The following ERCC6 variants were observed in gnomAD, a reference collection of about 807,000 sequenced individuals.
The protein encoded by ERCC6 is ERCC excision repair 6, chromatin remodeling factor.
Under a neutral mutation model 158.7 loss-of-function variants are expected in ERCC6, and 116 were observed. The observed-to-expected ratio is 0.73, with a 90% CI of 0.63 to 0.85. The LOEUF is 0.85. Ranked by LOEUF, ERCC6 falls within the 40% of genes least tolerant of loss-of-function variation. The probability of loss-of-function intolerance (pLI) is 0.00; values close to 1 mark genes in which losing one functional copy is unlikely to be tolerated. For synonymous variants in ERCC6, 678 were observed against 659.3 expected (o/e 1.03, Z -0.43); for missense variants, 1,698 against 1,799.4 (o/e 0.94, Z 1.02).
At chr10:49,502,368 T>C (rs1174001785) in intron 6 of ERCC6, 1 of 152,192 alleles carries the variant, frequency 6.6e-6, no homozygotes, top group African/African-American at 2.4e-5. Context: ...TGAAGTGTAG[T>C]ACAGATACAA....
At chr10:49,486,202 C>T (rs1056445561) in intron 8 of ERCC6, among the ~76,000 whole-genome samples, 1 of 152,160 alleles carries the variant, frequency 6.6e-6, no homozygotes, top group Non-Finnish European at 1.5e-5. Context: ...ACCCAGAGAG[C>T]TGACCACAGC....
At chr10:49,536,565 G>C (rs969494586) in intron 1 of ERCC6, among the ~76,000 whole-genome samples, 2 of 152,210 alleles carry the variant, frequency 1.3e-5, no homozygotes, top group African/African-American at 4.8e-5. Context: ...CAGTTCCTGA[G>C]TCAGGAGACA....
At chr10:49,533,054 C>A in intron 1 of ERCC6, 76 bp from the exon 2 acceptor site, 2 of 1,486,844 alleles carry the variant, frequency 1.3e-6, no homozygotes, top group Admixed American at 2.1e-5. Context: ...ATAATTAGAG[C>A]AGACTGATTT....
rs549793404 is a variant in ERCC6 at position 49,533,275 on chromosome 10, T to C, written c.-14-297A>G. Reference sequence around the variant, plus strand: ...ATCCTGGGGTGATGGCCATGGAATATTCTTCAAAACAGCTGAAGTCATTTG... The same window carrying C: ...ATCCTGGGGTGATGGCCATGGAATACTCTTCAAAACAGCTGAAGTCATTTG... On this transcript the variant is annotated intron_variant, in intron 1 of 20. Coordinates refer to ENST00000355832, the MANE Select transcript of ERCC6 (RefSeq NM_000124.4). Among the ~76,000 whole-genome samples the C allele has an allele frequency of 2.0e-5, 3 of 152,334 alleles. No homozygotes were observed. The East Asian group carries it at 5.8e-4, about 29-fold the overall frequency.
intron 10 of ERCC6, among the ~76,000 whole-genome samples, chr10:49,479,617 T>C (rs1166651011): frequency 2.0e-5 from 3 of 152,200 alleles, no homozygotes; most frequent in African/African-American, 7.2e-5. Flanking sequence ...AATTTCAGAA[T>C]TTAAAAACAT....
intron 18 of ERCC6, among the ~76,000 whole-genome samples, chr10:49,465,087 A>G (rs772306982): frequency 3.3e-5 from 5 of 152,196 alleles, no homozygotes; most frequent in African/African-American, 4.8e-5. Context: ...AATGCCACCC[A>G]TGAAAGCAGC....
At chr10:49,464,532 T>C (rs1192852808) in intron 18 of ERCC6, among the ~76,000 whole-genome samples, 2 of 152,088 alleles carry the variant, frequency 1.3e-5, no homozygotes, top group African/African-American at 4.8e-5. Flanking sequence ...CCCAAGACAA[T>C]GAGGAAAATG....
intron 5 of ERCC6, among the ~76,000 whole-genome samples, chr10:49,523,704 T>G (rs1363272452): frequency 6.6e-6 from 1 of 152,140 alleles, no homozygotes; most frequent in African/African-American, 2.4e-5. Flanking sequence ...TTCCTGATAC[T>G]CATTCTAGGG....
the ERCC6 span, among the ~76,000 whole-genome samples, chr10:49,447,484 G>A: frequency 3.9e-5 from 6 of 152,040 alleles, no homozygotes; most frequent in East Asian, 5.8e-4. Context: ...TCAGGAGATC[G>A]AGACCATCCT....
At chr10:49,480,752 T>C (rs1191423486) in intron 10 of ERCC6, among the ~76,000 whole-genome samples, 4 of 151,994 alleles carry the variant, frequency 2.6e-5, no homozygotes, top group Admixed American at 2.0e-4. Flanking sequence ...CCAGATACCA[T>C]GCACTGAGGA....
chr10:49,471,091 C>T lies in ERCC6; in HGVS notation c.2954G>A (p.Arg985Lys), dbSNP rs1564729682. 1.9e-6 allele frequency: 3 copies of T among 1,613,896 alleles called. No homozygotes were observed. The South Asian group carries it at 3.3e-5, about 18-fold the overall frequency. ...CCTTTGTTTTGGGTCTTTTAGCACT[C>T]TATTTGTCAAAAACTGCTTGAAGAT... is the stretch of plus-strand genomic sequence containing the variant. Reference protein sequence around the residue: ...RQIFKQFLTNRVLKDPKQRRF... With the variant: ...RQIFKQFLTNKVLKDPKQRRF... The change falls in exon 17 of 21, where the codon AGA (arginine) becomes AAA (lysine). Residue 985 changes from arginine (R) to lysine (K), a missense_variant. Coordinates refer to ENST00000355832, the MANE Select transcript of ERCC6 (RefSeq NM_000124.4).
intron 5 of ERCC6, among the ~76,000 whole-genome samples, chr10:49,518,881 C>T (rs1590463292): frequency 6.6e-6 from 1 of 152,190 alleles, no homozygotes; most frequent in Non-Finnish European, 1.5e-5. Flanking sequence ...ATCTTTATCA[C>T]CCCTTTACAT....
At chr10:49,528,591 A>G (rs1837396774) in intron 3 of ERCC6, 66 bp from the exon 4 acceptor site, 1 of 1,572,206 alleles carries the variant, frequency 6.4e-7, no homozygotes, top group African/African-American at 1.4e-5. Flanking sequence ...TACAAAAGAT[A>G]GCATTATGAA....
chr10:49,512,987 T>C (rs970680206), intron 5 of ERCC6, among the ~76,000 whole-genome samples: 3 of 152,228 alleles, frequency 2.0e-5, no homozygotes, highest in African/African-American at 7.2e-5. Flanking sequence ...GAGTATTCAT[T>C]ATACACCCTC....
intron 6 of ERCC6, chr10:49,504,862 T>C (rs1260304673): frequency 6.6e-6 from 1 of 152,058 alleles, no homozygotes; most frequent in Non-Finnish European, 1.5e-5. Flanking sequence ...TAATGTTTAG[T>C]GGGATAAAAA....
intron 19 of ERCC6, among the ~76,000 whole-genome samples, 196 bp from the exon 20 acceptor site, chr10:49,460,647 G>C (rs547335773): frequency 3.5e-4 from 54 of 152,276 alleles, no homozygotes; most frequent in Admixed American, 1.4e-3. Flanking sequence ...CTGGCTGGGC[G>C]CAGTGGCTCA....
At chr10:49,486,659 C>CT (rs1347543157) in intron 8 of ERCC6, among the ~76,000 whole-genome samples, 1 of 152,090 alleles carries the variant, frequency 6.6e-6, no homozygotes, top group Non-Finnish European at 1.5e-5. Context: ...GATATGATAG[C>CT]TAAAAAGTTC....
At chr10:49,489,391 C>A (rs1851132902) in intron 8 of ERCC6, among the ~76,000 whole-genome samples, 3 of 152,100 alleles carry the variant, frequency 2.0e-5, no homozygotes, top group Admixed American at 2.0e-4. Flanking sequence ...ACATATTAAC[C>A]CAAAAAGTCC....
intron 13 of ERCC6, 148 bp downstream of exon 13, chr10:49,473,879 T>TAAAC: frequency 1.2e-6 from 1 of 806,688 alleles, no homozygotes; most frequent in Non-Finnish European, 2.0e-6. Flanking sequence ...GAGAAAGATC[T>TAAAC]AAACTCCCAA....
Sources: allele counts gnomAD v4.1 joint callset (sites outside exome capture counted in the v4.1 genomes callset), GRCh38; gene constraint gnomAD v4.1.1; transcripts MANE v1.5; gene names NCBI Gene and HGNC (gene_info 2026-07-23, HGNC 2026-07-21).